COL8A1: variants seen among roughly 807,000 people sequenced by gnomAD.
The protein encoded by COL8A1 is collagen type VIII alpha 1 chain.
COL8A1 carries 21 observed loss-of-function variants against 42.7 expected under a neutral mutation model. The ratio of observed to expected loss-of-function variants is 0.49; its 90% CI spans 0.35 to 0.71. The LOEUF is 0.71. Ranked by LOEUF, COL8A1 falls within the 30% of genes least tolerant of loss-of-function variation. COL8A1 has a pLI of 0.01. For synonymous variants in COL8A1, 367 were observed against 369.1 expected, an observed-to-expected ratio of 0.99 and a Z score of 0.06; for missense variants, 788 against 962.4, an observed-to-expected ratio of 0.82 and a Z score of 2.40.
At chr3:99,727,818 G>T (rs1378751471) in intron 1 of COL8A1, among the ~76,000 whole-genome samples, 10 of 151,986 alleles carry the variant, frequency 6.6e-5, no homozygotes, top group Non-Finnish European at 8.8e-5. Context: ...TCATCCCTGG[G>T]ATGCAAGGCT....
chr3:99,735,002 T>C (rs1940658662), intron 1 of COL8A1, among the ~76,000 whole-genome samples: 1 of 152,002 alleles, frequency 6.6e-6, no homozygotes, highest in Admixed American at 6.6e-5. Flanking sequence ...ATTGATTTTG[T>C]ATCCTGAGAC....
intron 1 of COL8A1, among the ~76,000 whole-genome samples, chr3:99,719,168 G>T (rs1352729013): frequency 6.6e-6 from 1 of 151,954 alleles, no homozygotes; most frequent in Middle Eastern, 3.2e-3. Context: ...TAAGTATCTA[G>T]CACATAGTAG....
At chr3:99,671,342 C>T (rs1172967507) in intron 1 of COL8A1, among the ~76,000 whole-genome samples, 3 of 151,856 alleles carry the variant, frequency 2.0e-5, no homozygotes, top group Admixed American at 6.6e-5. Context: ...TTGATGTGTA[C>T]ATCAGTTTTT....
intron 1 of COL8A1, among the ~76,000 whole-genome samples, chr3:99,694,411 G>A (rs1236885413): frequency 6.6e-6 from 1 of 151,884 alleles, no homozygotes; most frequent in Non-Finnish European, 1.5e-5. Context: ...GGGAGGCGGA[G>A]GTTGCAGAGA....
intron 2 of COL8A1, among the ~76,000 whole-genome samples, chr3:99,755,967 T>G (rs1019396245): frequency 1.3e-5 from 2 of 151,986 alleles, no homozygotes; most frequent in African/African-American, 4.8e-5. Flanking sequence ...TACTCTGGTT[T>G]CTCTGAGGAG....
At chr3:99,705,241 A>G (rs777580825) in intron 1 of COL8A1, among the ~76,000 whole-genome samples, 3 of 152,198 alleles carry the variant, frequency 2.0e-5, no homozygotes, top group Non-Finnish European at 4.4e-5. Flanking sequence ...ATCATGTAGA[A>G]GTTAATTTAT....
At chr3:99,712,581 G>T (rs1939869723) in intron 1 of COL8A1, among the ~76,000 whole-genome samples, 2 of 152,000 alleles carry the variant, frequency 1.3e-5, no homozygotes, top group Non-Finnish European at 2.9e-5. Context: ...TTCCTTTTCT[G>T]CCCCATATCT....
chr3:99,660,276 A>G (rs915250336), intron 1 of COL8A1, among the ~76,000 whole-genome samples: 1 of 151,948 alleles, frequency 6.6e-6, no homozygotes, highest in African/African-American at 2.4e-5. Flanking sequence ...AGGTGGTATG[A>G]TTGAAGGGGG....
chr3:99,734,644 G>T (rs1940642376), intron 1 of COL8A1, among the ~76,000 whole-genome samples: 1 of 151,884 alleles, frequency 6.6e-6, no homozygotes, highest in Non-Finnish European at 1.5e-5. Context: ...CTTTTTTTTG[G>T]TTCCATATGA....
intron 1 of COL8A1, among the ~76,000 whole-genome samples, chr3:99,743,003 A>G (rs191390112): frequency 6.6e-6 from 1 of 152,346 alleles, no homozygotes; most frequent in Admixed American, 6.5e-5. Flanking sequence ...CCCAACACTA[A>G]GCATTATACT....
rs1247163711 is a variant in COL8A1, at chr3:99,798,517, AAG to A, written c.*2387_*2388del. 6.6e-6 allele frequency: 1 copy of A among 152,230 alleles called. No homozygotes were observed. Among genetic ancestry groups the A allele is most frequent in the Non-Finnish European group, 1.5e-5 (1 of 68,040 alleles). The allele number at this position is 152,230 out of a possible 1,614,324, so 9.4% of individuals were successfully genotyped here. On this transcript the variant is annotated 3_prime_UTR_variant, in exon 4 of 4. Coordinates refer to ENST00000652472, the MANE Select transcript of COL8A1 (RefSeq NM_020351.4). ...TATGGGCTTTTAATTCCCACCAAGA[AAG>A]AGAGAAATTATCTTTTTAGTTAAAA...
At chr3:99,701,441 C>CAA in intron 1 of COL8A1, among the ~76,000 whole-genome samples, 1 of 152,160 alleles carries the variant, frequency 6.6e-6, no homozygotes, top group South Asian at 2.1e-4. Flanking sequence ...GAAAGAGAGG[C>CAA]ATGTCCTTTG....
intron 1 of COL8A1, among the ~76,000 whole-genome samples, chr3:99,647,632 A>T (rs914180762): frequency 6.6e-6 from 1 of 152,218 alleles, no homozygotes; most frequent in Non-Finnish European, 1.5e-5. Flanking sequence ...TAAGTTCAAT[A>T]AACAAGGAGC....
At chr3:99,731,186 T>C (rs980646988) in intron 1 of COL8A1, among the ~76,000 whole-genome samples, 5 of 152,126 alleles carry the variant, frequency 3.3e-5, no homozygotes, top group African/African-American at 9.7e-5. Context: ...AAGGAAGCTA[T>C]CACTGCTACT....
intron 1 of COL8A1, among the ~76,000 whole-genome samples, chr3:99,743,870 A>T (rs557719902): frequency 3.9e-4 from 59 of 152,306 alleles, no homozygotes; most frequent in African/African-American, 1.3e-3. Context: ...TGATGTATTT[A>T]TCTAAATGAC....
intron 1 of COL8A1, among the ~76,000 whole-genome samples, chr3:99,704,564 C>T (rs1034586324): frequency 2.0e-5 from 3 of 152,072 alleles, no homozygotes; most frequent in Non-Finnish European, 4.4e-5. Flanking sequence ...ATATCAGGGT[C>T]GAATTACACA....
At chr3:99,770,697 T>C (rs1941562206) in intron 2 of COL8A1, among the ~76,000 whole-genome samples, 3 of 152,342 alleles carry the variant, frequency 2.0e-5, no homozygotes, top group African/African-American at 7.2e-5. Flanking sequence ...TTAACATCCA[T>C]GGTGTCATCC....
At chr3:99,650,079 C>T (rs1448207678) in intron 1 of COL8A1, among the ~76,000 whole-genome samples, 1 of 152,134 alleles carries the variant, frequency 6.6e-6, no homozygotes, top group Non-Finnish European at 1.5e-5. Flanking sequence ...ATCTTCACCT[C>T]CCTCAAGTCT....
At chr3:99,650,388 A>C (rs565738273) in intron 1 of COL8A1, among the ~76,000 whole-genome samples, 1 of 152,132 alleles carries the variant, frequency 6.6e-6, no homozygotes, top group East Asian at 1.9e-4. Flanking sequence ...TGAGCTCTCC[A>C]ATATGATAGC....
Sources: gnomAD v4.1 joint callset for allele counts (sites outside exome capture counted in the v4.1 genomes callset) on GRCh38, gnomAD v4.1.1 for gene constraint, MANE v1.5 for transcripts, NCBI Gene and HGNC (gene_info 2026-07-23, HGNC 2026-07-21) for gene names.